FBLN7: variants seen among roughly 807,000 people sequenced by gnomAD.
FBLN7 encodes the protein fibulin 7, also known as fibulin-7.
FBLN7 carries 31 observed loss-of-function variants against 44.0 expected under a neutral mutation model. The observed-to-expected ratio is 0.70, with a 90% CI of 0.53 to 0.95. The LOEUF is 0.95. Among genes scored for constraint, FBLN7 ranks in the 40% least tolerant of loss-of-function variants. FBLN7 has a pLI of 0.00. For synonymous variants in FBLN7, 262 were observed against 253.4 expected (o/e 1.03, Z -0.32); for missense variants, 573 against 618.5 (o/e 0.93, Z 0.78).
At chr2:112,175,043 T>C (rs1682667066) in intron 3 of FBLN7, among the ~76,000 whole-genome samples, 1 of 152,158 alleles carries the variant, frequency 6.6e-6, no homozygotes, top group Non-Finnish European at 1.5e-5. Context: ...CTTTTTAAAA[T>C]AACAATCTCT....
At chr2:112,193,574 A>G in the FBLN7 span, among the ~76,000 whole-genome samples, 1 of 152,226 alleles carries the variant, frequency 6.6e-6, no homozygotes, top group Non-Finnish European at 1.5e-5. Context: ...TACGTTTTAA[A>G]ACGTATGTTA....
Position 112,187,854 on chromosome 2 carries a change from T to A in FBLN7, c.*348T>A. On this transcript the variant is annotated 3_prime_UTR_variant, in exon 8 of 8. Transcript: ENST00000331203. This position sits in a 1 kb window ranked among gnomAD's most constrained non-coding sequence, Gnocchi z 5.1. ...TAGCTGGGGAGAGAAAAGGTGGCAA[T>A]GTGTGTCAGGTGACTATCAGCCCTT... The A allele has an allele frequency of 2.3e-6, 1 of 433,234 alleles. No homozygotes were observed. Among genetic ancestry groups the A allele is most frequent in the Non-Finnish European group, 4.1e-6 (1 of 244,996 alleles). 26.8% of individuals were successfully genotyped at this position (433,234 alleles called of 1,614,324 possible).
intron 2 of FBLN7, among the ~76,000 whole-genome samples, chr2:112,164,259 C>A (rs1274548129): frequency 6.6e-6 from 1 of 152,208 alleles, no homozygotes; most frequent in Non-Finnish European, 1.5e-5. Context: ...TCCATTCATT[C>A]ATTTGTTCAA....
chr2:112,198,195 T>G, the FBLN7 span, among the ~76,000 whole-genome samples: 3 of 152,172 alleles, frequency 2.0e-5, no homozygotes, highest in African/African-American at 7.2e-5. Flanking sequence ...CCCCTTTCTG[T>G]GGTCTGGATG....
chr2:112,181,935 A>G, intron 5 of FBLN7, 59 bp downstream of exon 5: 1 of 1,501,110 alleles, frequency 6.7e-7, no homozygotes, highest in African/African-American at 1.4e-5. Flanking sequence ...GGGGCGGGGA[A>G]GGGGCTCTCA....
At chr2:112,162,729 C>G (rs559057126) in intron 2 of FBLN7, among the ~76,000 whole-genome samples, 1 of 152,166 alleles carries the variant, frequency 6.6e-6, no homozygotes, top group Non-Finnish European at 1.5e-5. Context: ...CATTAATCCA[C>G]TCCATTCACA....
chr2:112,164,880 C>A, intron 2 of FBLN7, 121 bp from the exon 3 acceptor site: 4 of 1,101,766 alleles, frequency 3.6e-6, no homozygotes, highest in Non-Finnish European at 5.3e-6. Flanking sequence ...CAGCACAGTG[C>A]ACAGCCTGCA....
the FBLN7 span, among the ~76,000 whole-genome samples, chr2:112,202,651 G>A: frequency 6.6e-6 from 1 of 152,070 alleles, no homozygotes; most frequent in Non-Finnish European, 1.5e-5. Flanking sequence ...AATTTGAAGA[G>A]AATTTATTCA....
At chr2:112,203,995 CA>C in the FBLN7 span, among the ~76,000 whole-genome samples, 1 of 152,000 alleles carries the variant, frequency 6.6e-6, no homozygotes, top group East Asian at 1.9e-4. Context: ...AGGACACAGC[CA>C]AACCATATCA....
In FBLN7 at chr2:112,187,026, A is replaced by G; in HGVS notation, c.948-108A>G. 3 of 1,381,392 alleles carry G rather than the reference A, an allele frequency of 2.2e-6. No homozygotes were observed. The highest frequency in any genetic ancestry group is 9.8e-7 in the Non-Finnish European group (1 of 1,017,740). 85.6% of individuals were successfully genotyped at this position (1,381,392 alleles called of 1,614,324 possible). ...TGGGTGAAGGACCCGTGGCTGGGAA[A>G]GGTCATCTAGGTGGCCTCTGCAAGA... is the stretch of plus-strand genomic sequence containing the variant. On this transcript the variant is annotated intron_variant, in intron 7 of 7. Coordinates refer to ENST00000331203, the MANE Select transcript of FBLN7 (RefSeq NM_153214.3). The surrounding 1 kb of genome is among the most constrained non-coding windows in gnomAD (Gnocchi z 5.1).
chr2:112,191,149 A>AT (rs564871954), downstream of FBLN7, among the ~76,000 whole-genome samples: 367 of 151,798 alleles, frequency 2.4e-3, no homozygotes, highest in Middle Eastern at 3.4e-3. Flanking sequence ...GCAAATTTTT[A>AT]TTTTTTTGTA....
the FBLN7 span, among the ~76,000 whole-genome samples, chr2:112,217,731 A>G: frequency 5.3e-5 from 8 of 152,218 alleles, no homozygotes; most frequent in African/African-American, 1.7e-4. Flanking sequence ...TTCTAAAATT[A>G]TAATTTTTGC....
the FBLN7 span, among the ~76,000 whole-genome samples, chr2:112,225,517 C>G: frequency 6.6e-6 from 1 of 152,006 alleles, no homozygotes; most frequent in Non-Finnish European, 1.5e-5. Flanking sequence ...AGATTAAAAG[C>G]CTCAATGTCA....
chr2:112,142,584 A>G (rs1174758109), intron 1 of FBLN7, among the ~76,000 whole-genome samples: 1 of 152,110 alleles, frequency 6.6e-6, no homozygotes, highest in Non-Finnish European at 1.5e-5. Flanking sequence ...GGAGGCACTG[A>G]GGACAGGCTT....
chr2:112,139,916 GCGCCTCTCTCCATGCCAGTGTCCCTCC>G lies in FBLN7; in HGVS notation c.75+1199_75+1225del, dbSNP rs1445783695. 1.1e-3 allele frequency among the ~76,000 whole-genome samples: 42 copies of G among 39,914 alleles called. 1 individual carries two copies. The highest frequency in any genetic ancestry group is 0.016 in the Middle Eastern group (1 of 62). 26.2% of individuals were successfully genotyped at this position (39,914 alleles called of 152,430 possible). A position where few individuals can be genotyped will look rare whatever the true frequency, so the allele number is the denominator to read the frequency against. On this transcript the variant is annotated intron_variant, in intron 1 of 7. Coordinates refer to ENST00000331203, the MANE Select transcript of FBLN7 (RefSeq NM_153214.3). ...CTCCCGCCTCTCTCCCCTGTCCCGC[GCGCCTCTCTCCATGCCAGTGTCCCTCC>G]CGCCTCTCTCCACGCCAGTGTCCCT...
At chr2:112,158,144 G>C (rs1344921182) in intron 1 of FBLN7, among the ~76,000 whole-genome samples, 1 of 146,862 alleles carries the variant, frequency 6.8e-6, no homozygotes, top group Admixed American at 6.8e-5. Context: ...TGATCCGCCC[G>C]CCTCGGCCTC....
rs183780036 is a variant in FBLN7 at position 112,185,159 on chromosome 2, A to G, written c.809-42A>G. On this transcript the variant is annotated intron_variant, in intron 6 of 7. Coordinates refer to ENST00000331203, the MANE Select transcript of FBLN7 (RefSeq NM_153214.3). ...TGTGGTTCTGTCTGCAATGGAGGGA[A>G]GGTCAGGGCGATTCTCACCTGTTGT... The G allele has an allele frequency of 2.5e-6, 4 of 1,587,508 alleles. No homozygotes were observed. In the African/African-American group the frequency reaches 5.4e-5, roughly 21 times the overall value.
chr2:112,158,077 T>A (rs942518085), intron 1 of FBLN7, among the ~76,000 whole-genome samples: 4 of 151,686 alleles, frequency 2.6e-5, no homozygotes, highest in African/African-American at 9.7e-5. Flanking sequence ...TTTTGTATTT[T>A]TAGTAGAGAT....
chr2:112,171,642 C>G (rs945098597), intron 3 of FBLN7, among the ~76,000 whole-genome samples: 4 of 152,142 alleles, frequency 2.6e-5, no homozygotes, highest in African/African-American at 9.7e-5. Context: ...TCCTTCTAGT[C>G]TTTTATCTAA....
Sources: allele counts gnomAD v4.1 joint callset (sites outside exome capture counted in the v4.1 genomes callset), GRCh38; gene constraint gnomAD v4.1.1; non-coding constraint Gnocchi (gnomAD v3.1); transcripts MANE v1.5; gene names NCBI Gene and HGNC (gene_info 2026-07-23, HGNC 2026-07-21).